SNTG1: variants seen among roughly 807,000 people sequenced by gnomAD.
The protein encoded by SNTG1 is gamma-1-syntrophin.
SNTG1 carries 39 observed loss-of-function variants against 74.7 expected under a neutral mutation model. That is an observed-to-expected ratio of 0.52 (90% CI 0.40 to 0.68). The LOEUF (loss-of-function observed/expected upper bound fraction) is 0.68. Ranked by LOEUF, SNTG1 falls within the 30% of genes least tolerant of loss-of-function variation. The pLI is 0.00. For synonymous variants in SNTG1, 254 were observed against 217.1 expected (o/e 1.17, Z -1.49); for missense variants, 685 against 609.5 (o/e 1.12, Z -1.30).
intron 18 of SNTG1, among the ~76,000 whole-genome samples, chr8:50,765,937 C>T (rs559352282): frequency 6.6e-6 from 1 of 151,906 alleles, no homozygotes; most frequent in Non-Finnish European, 1.5e-5. Context: ...TATGAGTAAA[C>T]AATACTGAGG....
At chr8:50,650,266 T>C (rs1208878602) in intron 13 of SNTG1, among the ~76,000 whole-genome samples, 1 of 152,116 alleles carries the variant, frequency 6.6e-6, no homozygotes, top group Non-Finnish European at 1.5e-5. Context: ...TAATCCTTCA[T>C]TTGGTTCAGA....
chr8:50,777,908 T>A (rs1057222484), intron 18 of SNTG1, among the ~76,000 whole-genome samples: 1 of 152,006 alleles, frequency 6.6e-6, no homozygotes, highest in Non-Finnish European at 1.5e-5. Flanking sequence ...TGTGTCCATG[T>A]GATCTCATTG....
At chr8:50,337,526 A>T (rs1378777968) in intron 2 of SNTG1, among the ~76,000 whole-genome samples, 1 of 152,232 alleles carries the variant, frequency 6.6e-6, no homozygotes, top group African/African-American at 2.4e-5. Flanking sequence ...TACCCAGAGC[A>T]TTCTGTTCTG....
At chr8:50,152,854 A>G (rs1050987814) in intron 1 of SNTG1, among the ~76,000 whole-genome samples, 12 of 152,030 alleles carry the variant, frequency 7.9e-5, no homozygotes, top group Non-Finnish European at 1.3e-4. Flanking sequence ...CCTCCATTTC[A>G]ACTTTGGTGA....
At chr8:50,293,945 AAAAC>A (rs2089245790) in intron 2 of SNTG1, among the ~76,000 whole-genome samples, 1 of 152,206 alleles carries the variant, frequency 6.6e-6, no homozygotes, top group Non-Finnish European at 1.5e-5. Context: ...TCTCTAGAGA[AAAAC>A]AATTTATGCT....
At chr8:50,482,619 T>C (rs1381015707) in intron 8 of SNTG1, among the ~76,000 whole-genome samples, 1 of 152,212 alleles carries the variant, frequency 6.6e-6, no homozygotes, top group African/African-American at 2.4e-5. Context: ...AGCAATCATT[T>C]ACTTCAATTC....
chr8:50,736,345 A>G (rs1216074574), intron 17 of SNTG1, among the ~76,000 whole-genome samples: 1 of 152,098 alleles, frequency 6.6e-6, no homozygotes, highest in Non-Finnish European at 1.5e-5. Flanking sequence ...GCATTACATA[A>G]CGGTAAAGGG....
intron 12 of SNTG1, among the ~76,000 whole-genome samples, chr8:50,572,707 TAG>T (rs1198305704): frequency 6.6e-6 from 1 of 152,152 alleles, no homozygotes; most frequent in Non-Finnish European, 1.5e-5. Flanking sequence ...ATGGTAAAAG[TAG>T]AGTTTTCTCA....
intron 5 of SNTG1, among the ~76,000 whole-genome samples, chr8:50,440,713 A>C (rs1274923826): frequency 6.6e-6 from 1 of 152,168 alleles, no homozygotes; most frequent in Non-Finnish European, 1.5e-5. Context: ...ACACACCGGA[A>C]AGACTCGTGG....
intron 2 of SNTG1, among the ~76,000 whole-genome samples, chr8:50,322,271 T>C (rs1473394502): frequency 1.3e-5 from 2 of 152,202 alleles, no homozygotes; most frequent in South Asian, 2.1e-4. Context: ...GGATATACTA[T>C]TCTAGGAAAA....
chr8:50,641,017 C>T (rs1186772004), intron 13 of SNTG1, among the ~76,000 whole-genome samples: 1 of 152,154 alleles, frequency 6.6e-6, no homozygotes, highest in Non-Finnish European at 1.5e-5. Flanking sequence ...ATGCTCAGTT[C>T]AATTGCTTCT....
chr8:50,021,534 T>C (rs1026963), intron 1 of SNTG1, among the ~76,000 whole-genome samples: 5,280 of 152,252 alleles, frequency 0.035, 227 homozygotes, highest in South Asian at 0.14. Flanking sequence ...TTAACTAACA[T>C]GAGAACTCTG....
intron 8 of SNTG1, among the ~76,000 whole-genome samples, chr8:50,494,153 A>C (rs1009598303): frequency 6.6e-6 from 1 of 151,596 alleles, no homozygotes; most frequent in Admixed American, 6.6e-5. Context: ...ATATATATAC[A>C]CATATATATA....
chr8:50,609,211 G>T (rs555422594), intron 13 of SNTG1, among the ~76,000 whole-genome samples: 31 of 152,144 alleles, frequency 2.0e-4, no homozygotes, highest in Admixed American at 1.5e-3. Flanking sequence ...ACTTCGTTAA[G>T]TATTTCATGT....
intron 12 of SNTG1, among the ~76,000 whole-genome samples, chr8:50,559,119 G>A (rs534212079): frequency 3.9e-4 from 60 of 152,274 alleles, no homozygotes; most frequent in African/African-American, 1.4e-3. Flanking sequence ...GAAAAATCAT[G>A]CCAGATAGAG....
chr8:50,443,196 C>A (rs1022517549), intron 5 of SNTG1, among the ~76,000 whole-genome samples: 6 of 152,152 alleles, frequency 3.9e-5, no homozygotes, highest in African/African-American at 1.4e-4. Flanking sequence ...CCTTGTGAGG[C>A]TTTATTTATC....
chr8:50,589,724 CAAAGT>C (rs1182991625), intron 12 of SNTG1, among the ~76,000 whole-genome samples: 1 of 152,004 alleles, frequency 6.6e-6, no homozygotes, highest in Non-Finnish European at 1.5e-5. Flanking sequence ...TAGATTTCCA[CAAAGT>C]ACTCAGTATA....
chr8:50,424,424 T>C (rs1185589472), intron 4 of SNTG1, among the ~76,000 whole-genome samples: 1 of 152,224 alleles, frequency 6.6e-6, no homozygotes, highest in Non-Finnish European at 1.5e-5. Context: ...GCCACATATA[T>C]ACAGTTTCCA....
At chr8:50,474,631 A>G (rs1313581546) in intron 8 of SNTG1, among the ~76,000 whole-genome samples, 2 of 152,162 alleles carry the variant, frequency 1.3e-5, no homozygotes. Flanking sequence ...TGTTGGTGGG[A>G]CTGTAAACTA....
Sources: gnomAD v4.1 joint callset for allele counts (sites outside exome capture counted in the v4.1 genomes callset) on GRCh38, gnomAD v4.1.1 for gene constraint, MANE v1.5 for transcripts, NCBI Gene and HGNC (gene_info 2026-07-23, HGNC 2026-07-21) for gene names.